BEND7: variants seen among roughly 807,000 people sequenced by gnomAD.
The protein encoded by BEND7 is BEN domain containing 7.
In BEND7, 28 loss-of-function variants were observed where a neutral mutation model predicts 50.9. The ratio of observed to expected loss-of-function variants is 0.55; its 90% CI spans 0.41 to 0.75. BEND7 has a LOEUF of 0.75. Among genes scored for constraint, BEND7 ranks in the 30% least tolerant of loss-of-function variants. The pLI is 0.00. For missense variants in BEND7, 477 were observed against 491.3 expected, an observed-to-expected ratio of 0.97 and a Z score of 0.28; for synonymous variants, 170 against 183.9, an observed-to-expected ratio of 0.92 and a Z score of 0.61.
intron 6 of BEND7, among the ~76,000 whole-genome samples, chr10:13,458,175 T>C (rs993336168): frequency 1.1e-4 from 16 of 152,252 alleles, no homozygotes; most frequent in Non-Finnish European, 7.3e-5. Context: ...TAGCATTCAT[T>C]TGAATCCTGC....
chr10:13,497,337 T>C (rs1217572213), intron 3 of BEND7, among the ~76,000 whole-genome samples: 1 of 152,242 alleles, frequency 6.6e-6, no homozygotes, highest in African/African-American at 2.4e-5. Flanking sequence ...TGAGTTCTAT[T>C]GAAAATAGTT....
chr10:13,480,481 AC>A, intron 6 of BEND7: 1 of 383,550 alleles, frequency 2.6e-6, no homozygotes, highest in Non-Finnish European at 3.6e-6. Flanking sequence ...TGGTAAAGCA[AC>A]TCTAAACTTC....
chr10:13,517,210 C>T (rs1259051476), intron 2 of BEND7, among the ~76,000 whole-genome samples: 1 of 151,890 alleles, frequency 6.6e-6, no homozygotes, highest in Non-Finnish European at 1.5e-5. Context: ...GACTATGCAG[C>T]ATGACACCTG....
At position 13,469,604 on chromosome 10, in the gene BEND7, G is replaced by A. The variant is rs193070691; in HGVS notation, c.1063+11295C>T. Among the ~76,000 whole-genome samples the A allele has an allele frequency of 5.7e-4, 87 of 152,202 alleles. 2 individuals are homozygous for A. The South Asian group carries it at 0.01, about 18-fold the overall frequency. On this transcript the variant is annotated intron_variant, in intron 6 of 8. Coordinates refer to ENST00000466271, the MANE Select transcript of BEND7 (RefSeq NM_001369863.1). ...TGATTCCCCTGCCTCAGCCTCCTGA[G>A]CAGCTGGGACCACAGGCACATGCCA...
chr10:13,500,740 G>A (rs2077382163), intron 2 of BEND7: 1 of 985,568 alleles, frequency 1.0e-6, no homozygotes, highest in African/African-American at 1.7e-5. Flanking sequence ...GGCAAGCGAG[G>A]GGGTTTTGTC....
At chr10:13,505,261 C>G (rs752223696) in intron 2 of BEND7, among the ~76,000 whole-genome samples, 1 of 152,310 alleles carries the variant, frequency 6.6e-6, no homozygotes, top group South Asian at 2.1e-4. Flanking sequence ...GACCACCTCC[C>G]TACAGGACAG....
intron 2 of BEND7, among the ~76,000 whole-genome samples, chr10:13,513,714 G>A (rs573328615): frequency 5.9e-5 from 9 of 152,316 alleles, no homozygotes; most frequent in Admixed American, 3.3e-4. Flanking sequence ...AAGCTAGAGT[G>A]ATCTTTCAAA....
At position 13,441,666 on chromosome 10, in the gene BEND7, C is replaced by G; in HGVS notation, c.*77G>C. The G allele has an allele frequency of 6.2e-7, 1 of 1,608,366 alleles. No homozygotes were observed. Among genetic ancestry groups the G allele is most frequent in the South Asian group, 1.1e-5 (1 of 89,500 alleles). On this transcript the variant is annotated 3_prime_UTR_variant, in exon 9 of 9. Coordinates refer to ENST00000466271, the MANE Select transcript of BEND7 (RefSeq NM_001369863.1). The stretch of plus-strand genomic sequence containing the variant: ...TCTTCTCCCTTCCCTTGGGTAGTAG[C>G]TCCTTGTGGGAGGCAGAGGACGGAT...
intron 6 of BEND7, among the ~76,000 whole-genome samples, chr10:13,461,647 C>T (rs1333584410): frequency 1.3e-5 from 2 of 151,936 alleles, no homozygotes; most frequent in Non-Finnish European, 2.9e-5. Flanking sequence ...GCAGGAAAAT[C>T]GCTTGAACCT....
At chr10:13,515,440 A>G (rs1017583869) in intron 2 of BEND7, among the ~76,000 whole-genome samples, 13 of 152,252 alleles carry the variant, frequency 8.5e-5, no homozygotes, top group African/African-American at 3.1e-4. Flanking sequence ...GAATAACAGT[A>G]TATTTCTGCA....
Position 13,496,748 on chromosome 10 carries a change from G to A in BEND7, c.571+18C>T, listed in dbSNP as rs183702190. ...CATTAAAAATCAAAGGACTCATTCC[G>A]AGGCCTGATCCTTGTACCTGCTTGA... is the stretch of plus-strand genomic sequence containing the variant. On this transcript the variant is annotated intron_variant, in intron 4 of 8. Transcript: ENST00000466271. 2.2e-5 allele frequency: 36 copies of A among 1,606,766 alleles called. No homozygotes were observed. The highest frequency in any genetic ancestry group is 5.2e-5 in the Admixed American group (3 of 58,252).
chr10:13,522,960 GCA>G lies in BEND7; in HGVS notation c.145+3176_145+3177del, dbSNP rs367986561. Among the ~76,000 whole-genome samples, 105 of 152,310 alleles carry G rather than the reference GCA, an allele frequency of 6.9e-4. 2 individuals carry two copies. The South Asian group carries it at 0.019, about 28-fold the overall frequency. On this transcript the variant is annotated intron_variant, in intron 2 of 8. Transcript: ENST00000466271. ...TGTAAAGTGCTCAGTGTGCTGCCTT[GCA>G]CACAGTTAAGTGCTCAAACAACTGT...
At chr10:13,509,820 G>C (rs1220536565) in intron 2 of BEND7, among the ~76,000 whole-genome samples, 1 of 152,190 alleles carries the variant, frequency 6.6e-6, no homozygotes, top group Non-Finnish European at 1.5e-5. Context: ...AAAGGACCCT[G>C]ACACTTTGAC....
intron 8 of BEND7, chr10:13,445,027 C>G (rs2095983): frequency 6.6e-6 from 1 of 151,906 alleles, no homozygotes; most frequent in Non-Finnish European, 1.5e-5. Context: ...ACCGTGTTAG[C>G]CAGGATGGTC....
chr10:13,452,001 C>T (rs1203270716), intron 7 of BEND7, among the ~76,000 whole-genome samples: 1 of 152,112 alleles, frequency 6.6e-6, no homozygotes, highest in Non-Finnish European at 1.5e-5. Context: ...CGGGTGCTCA[C>T]TTTTCCTGGA....
chr10:13,476,084 A>G (rs1047811669), intron 6 of BEND7, among the ~76,000 whole-genome samples: 2 of 152,220 alleles, frequency 1.3e-5, no homozygotes, highest in African/African-American at 4.8e-5. Flanking sequence ...GATCAAATAG[A>G]AAAGAGCTAT....
intron 6 of BEND7, among the ~76,000 whole-genome samples, chr10:13,470,752 G>A (rs979538191): frequency 6.6e-6 from 1 of 152,190 alleles, no homozygotes; most frequent in Non-Finnish European, 1.5e-5. Context: ...GGATGGGGCC[G>A]AGGTAGCTTT....
chr10:13,516,923 G>C (rs552460781), intron 2 of BEND7, among the ~76,000 whole-genome samples: 1 of 152,272 alleles, frequency 6.6e-6, no homozygotes, highest in African/African-American at 2.4e-5. Flanking sequence ...GTAAAAGACT[G>C]TATTTCTCAG....
chr10:13,440,785 A>G (rs28377965), downstream of BEND7, among the ~76,000 whole-genome samples: 13 of 152,380 alleles, frequency 8.5e-5, no homozygotes, highest in South Asian at 2.7e-3. Context: ...TGAAGATTAT[A>G]AAGCTACCTA....
Sources: gnomAD v4.1 joint callset for allele counts (sites outside exome capture counted in the v4.1 genomes callset) on GRCh38, gnomAD v4.1.1 for gene constraint, MANE v1.5 for transcripts, NCBI Gene and HGNC (gene_info 2026-07-23, HGNC 2026-07-21) for gene names.